The following DYM variants were observed in gnomAD, a reference collection of about 807,000 sequenced individuals.
The protein encoded by DYM is dymeclin, also known as dyggve-Melchior-Clausen syndrome protein.
DYM carries 78 observed loss-of-function variants against 93.1 expected under a neutral mutation model. The observed-to-expected ratio is 0.84, with a 90% confidence interval of 0.70 to 1.01. The LOEUF is 1.01. Ranked by LOEUF, DYM falls within the 50% of genes least tolerant of loss-of-function variation. The pLI is 0.00. For missense variants in DYM, 789 were observed against 845.0 expected (o/e 0.93, Z 0.82); for synonymous variants, 321 against 319.7 (o/e 1.00, Z -0.04).
intron 16 of DYM, among the ~76,000 whole-genome samples, chr18:49,108,711 T>C (rs1384431280): frequency 6.6e-6 from 1 of 152,248 alleles, no homozygotes; most frequent in African/African-American, 2.4e-5. Flanking sequence ...TGGTATGTTC[T>C]ATAAATGTGA....
chr18:49,119,033 T>A, intron 15 of DYM, 107 bp from the exon 16 acceptor site: 2 of 918,848 alleles, frequency 2.2e-6, no homozygotes, highest in Non-Finnish European at 3.4e-6. Context: ...ATTGGAAAGA[T>A]CATGAAGAGA....
intron 8 of DYM, among the ~76,000 whole-genome samples, chr18:49,325,924 C>T (rs1007426910): frequency 3.3e-5 from 5 of 152,158 alleles, no homozygotes; most frequent in African/African-American, 1.2e-4. Context: ...TGCCTCGAAA[C>T]AACACATTTC....
chr18:49,405,606 A>G (rs1216329992), intron 2 of DYM, among the ~76,000 whole-genome samples: 17 of 152,118 alleles, frequency 1.1e-4, no homozygotes, highest in Non-Finnish European at 2.9e-5. Context: ...TTTTGTGCCA[A>G]TATCATGCTG....
At chr18:49,305,592 A>C (rs1165755028) in intron 8 of DYM, among the ~76,000 whole-genome samples, 2 of 152,174 alleles carry the variant, frequency 1.3e-5, no homozygotes, top group African/African-American at 4.8e-5. Flanking sequence ...ACTTCCTCCT[A>C]TATTTAGGAA....
intron 3 of DYM, among the ~76,000 whole-genome samples, chr18:49,389,624 G>A (rs1256311539): frequency 6.6e-6 from 1 of 152,086 alleles, no homozygotes; most frequent in Non-Finnish European, 1.5e-5. Flanking sequence ...AATCTCGCAA[G>A]CAGCTGAGAC....
intron 14 of DYM, among the ~76,000 whole-genome samples, chr18:49,191,707 C>A (rs1052983155): frequency 6.6e-6 from 1 of 152,046 alleles, no homozygotes; most frequent in African/African-American, 2.4e-5. Flanking sequence ...AGGTAAAGAA[C>A]AGAAGTTCAA....
chr18:49,253,413 A>G (rs1014881536), intron 13 of DYM, among the ~76,000 whole-genome samples: 12 of 152,216 alleles, frequency 7.9e-5, no homozygotes, highest in Non-Finnish European at 1.3e-4. Flanking sequence ...GAGTTTCCTC[A>G]AAGTACAAAA....
In DYM at chr18:49,146,161, A is replaced by G. The variant is rs2085111326; in HGVS notation, c.1728+17524T>C. Among the ~76,000 whole-genome samples the G allele has an allele frequency of 2.6e-5, 4 of 152,172 alleles. No homozygotes were observed. In the South Asian group the frequency reaches 8.3e-4, roughly 32 times the overall value. ...AAATGATGAAATGAGAGAATGCTGA[A>G]GCTAAAAACAACCACACACACAAAA... On this transcript the variant is annotated intron_variant, in intron 15 of 17. Coordinates refer to ENST00000675505, the MANE Select transcript of DYM (RefSeq NM_001353214.3).
chr18:49,249,648 C>T (rs569107626), intron 13 of DYM, among the ~76,000 whole-genome samples: 6 of 151,682 alleles, frequency 4.0e-5, no homozygotes, highest in Non-Finnish European at 8.8e-5. Flanking sequence ...GTTCAACAAC[C>T]AACTTCTGTT....
At chr18:49,070,071 T>A (rs1806906980) in intron 17 of DYM, among the ~76,000 whole-genome samples, 1 of 152,198 alleles carries the variant, frequency 6.6e-6, no homozygotes, top group African/African-American at 2.4e-5. Flanking sequence ...ACAAAACTTG[T>A]ATCAAGCAAA....
chr18:49,041,368 C>T lies in DYM; in HGVS notation c.*2687G>A, dbSNP rs1425228286. 5.3e-5 allele frequency: 8 copies of T among 152,190 alleles called. No individual in the cohort carries two copies. 9.4% of individuals were successfully genotyped at this position (152,190 alleles called of 1,614,324 possible). On this transcript the variant is annotated 3_prime_UTR_variant, in exon 18 of 18. Coordinates refer to ENST00000675505, the MANE Select transcript of DYM (RefSeq NM_001353214.3). ...TCAGATCTGGGGTAAAATCAGATGC[C>T]AATTTCCATCTGAACACACGATGAT... is the stretch of plus-strand genomic sequence containing the variant.
At chr18:49,247,608 C>A (rs1352917804) in intron 13 of DYM, among the ~76,000 whole-genome samples, 1 of 152,150 alleles carries the variant, frequency 6.6e-6, no homozygotes, top group Non-Finnish European at 1.5e-5. Flanking sequence ...ATTTTGTCCA[C>A]AAAGGTCTTT....
intron 2 of DYM, among the ~76,000 whole-genome samples, chr18:49,426,754 CATGTGTGTGTGTGT>C (rs1163051964): frequency 2.7e-5 from 1 of 36,412 alleles, no homozygotes; most frequent in East Asian, 1.3e-3. Context: ...CACTGGAAAA[CATGTGTGTGTGTGT>C]GTGTGTGTGT....
intron 13 of DYM, among the ~76,000 whole-genome samples, chr18:49,216,208 C>T (rs543177865): frequency 1.7e-4 from 26 of 152,314 alleles, no homozygotes; most frequent in Admixed American, 1.2e-3. Context: ...GAGGGGCGCC[C>T]GCCATTGCCC....
rs181626900 is a variant in DYM, at chr18:49,275,269, G to C, written c.1126-2966C>G. Reference sequence around the variant, plus strand: ...GTCTTGGCACCCTGGCTAAAAATCAGTTGATGATAGGTATATGGGTTTATT... The same window carrying C: ...GTCTTGGCACCCTGGCTAAAAATCACTTGATGATAGGTATATGGGTTTATT... On this transcript the variant is annotated intron_variant, in intron 10 of 17. Transcript: ENST00000675505. Among the ~76,000 whole-genome samples, 119 of 152,190 alleles carry C rather than the reference G, an allele frequency of 7.8e-4. 1 individual carries two copies. The highest frequency in any genetic ancestry group is 2.7e-3 in the African/African-American group (114 of 41,536).
Position 49,175,799 on chromosome 18 carries a change from C to G in DYM, c.1626-12012G>C, listed in dbSNP as rs113866090. On this transcript the variant is annotated intron_variant, in intron 14 of 17. Coordinates refer to ENST00000675505, the MANE Select transcript of DYM (RefSeq NM_001353214.3). Reference sequence around the variant, plus strand: ...ATATTTCAACACTATAAAGAAAACACAATAACTCATCTTCTTCAAAAACTC... The same window carrying G: ...ATATTTCAACACTATAAAGAAAACAGAATAACTCATCTTCTTCAAAAACTC... Among the ~76,000 whole-genome samples the G allele has an allele frequency of 5.8e-3, 884 of 152,086 alleles. 8 individuals carry two copies. The highest frequency in any genetic ancestry group is 0.02 in the African/African-American group (835 of 41,486).
chr18:49,046,115 C>T (rs1199846314), intron 17 of DYM, among the ~76,000 whole-genome samples: 1 of 143,626 alleles, frequency 7.0e-6, no homozygotes, highest in Non-Finnish European at 1.5e-5. Flanking sequence ...CACCCACATC[C>T]CCAAATACAC....
intron 2 of DYM, among the ~76,000 whole-genome samples, chr18:49,415,890 G>A: frequency 6.8e-6 from 1 of 146,572 alleles, no homozygotes; most frequent in Non-Finnish European, 1.5e-5. Context: ...TCGTGCCACT[G>A]TACTCCAGCC....
At chr18:49,391,378 C>T in intron 3 of DYM, 2 of 548,444 alleles carry the variant, frequency 3.6e-6, no homozygotes, top group South Asian at 4.0e-5. Flanking sequence ...TTAGCAGAGT[C>T]CATTACCACT....
Sources: gnomAD v4.1 joint callset for allele counts (sites outside exome capture counted in the v4.1 genomes callset) on GRCh38, gnomAD v4.1.1 for gene constraint, MANE v1.5 for transcripts, NCBI Gene and HGNC (gene_info 2026-07-23, HGNC 2026-07-21) for gene names.